GRIK3: variants seen among roughly 807,000 people sequenced by gnomAD.
GRIK3 encodes glutamate ionotropic receptor kainate type subunit 3, also known as glutamate receptor ionotropic, kainate 3.
GRIK3 carries 29 observed loss-of-function variants against 102.5 expected under a neutral mutation model. That is an observed-to-expected ratio of 0.28 (90% CI 0.21 to 0.39). The LOEUF is 0.39. GRIK3 is among the 10% of genes least tolerant of loss of function. The pLI is 1.00. For synonymous variants in GRIK3, 511 were observed against 504.9 expected, an observed-to-expected ratio of 1.01 and a Z score of -0.16; for missense variants, 908 against 1,252.4, an observed-to-expected ratio of 0.73 and a Z score of 4.15.
chr1:36,869,278 G>A (rs897873590), intron 5 of GRIK3, among the ~76,000 whole-genome samples: 3 of 152,176 alleles, frequency 2.0e-5, no homozygotes, highest in African/African-American at 4.8e-5. Flanking sequence ...AATCCAAAGC[G>A]ACAATTCCCG....
intron 7 of GRIK3, among the ~76,000 whole-genome samples, chr1:36,858,818 A>G (rs1055352536): frequency 6.6e-6 from 1 of 152,190 alleles, no homozygotes; most frequent in African/African-American, 2.4e-5. Context: ...GCGAGGAAGC[A>G]AACACCCTCA....
chr1:36,974,735 G>A (rs1191268061), intron 1 of GRIK3, among the ~76,000 whole-genome samples: 2 of 150,094 alleles, frequency 1.3e-5, no homozygotes, highest in East Asian at 3.9e-4. Context: ...AGGAGGCGGA[G>A]CTTGCAGTGA....
chr1:36,922,617 C>T (rs1407086891), intron 1 of GRIK3, among the ~76,000 whole-genome samples: 1 of 152,172 alleles, frequency 6.6e-6, no homozygotes, highest in African/African-American at 2.4e-5. Flanking sequence ...GACAGGGGGC[C>T]ATGCGCTTAT....
chr1:36,817,040 T>C lies in GRIK3; in HGVS notation c.2091+20A>G, dbSNP rs919784479. On this transcript the variant is annotated intron_variant, in intron 13 of 15. Transcript: ENST00000373091. ...AGAGGATCAGCTCACGGTGCTGCAA[T>C]AGGAGGGAGAGGGCCTCACCTTGAA... is the stretch of plus-strand genomic sequence containing the variant. 1.3e-6 allele frequency: 2 copies of C among 1,544,060 alleles called. No homozygotes were observed. The highest frequency in any genetic ancestry group is 1.4e-5 in the African/African-American group (1 of 73,522).
chr1:36,887,096 TCTC>T (rs1641046444), intron 2 of GRIK3, among the ~76,000 whole-genome samples: 1 of 152,108 alleles, frequency 6.6e-6, no homozygotes, highest in Non-Finnish European at 1.5e-5. Flanking sequence ...GCCAAATAGT[TCTC>T]CTAAGAAATG....
chr1:37,017,131 G>A (rs148927858), intron 1 of GRIK3, among the ~76,000 whole-genome samples: 6 of 151,556 alleles, frequency 4.0e-5, no homozygotes, highest in South Asian at 4.2e-4. Context: ...GGGGAGGATC[G>A]CTTGAACCTA....
intron 11 of GRIK3, among the ~76,000 whole-genome samples, chr1:36,821,498 G>A (rs1642695063): frequency 6.6e-6 from 1 of 152,318 alleles, no homozygotes; most frequent in Admixed American, 6.5e-5. Context: ...AGTGTGAAGG[G>A]CAGGGGTCGG....
In GRIK3 at chr1:36,997,765, G is replaced by A. The variant is rs796346178; in HGVS notation, c.115+36229C>T. Among the ~76,000 whole-genome samples, 5 of 152,282 alleles carry A rather than the reference G, an allele frequency of 3.3e-5. No homozygotes were observed. The East Asian group carries it at 9.7e-4, about 30-fold the overall frequency. On this transcript the variant is annotated intron_variant, in intron 1 of 15. Coordinates refer to ENST00000373091, the MANE Select transcript of GRIK3 (RefSeq NM_000831.4). ...GGAATGACCAGGCTTAAAGCTGAGT[G>A]GTGCCCAGGGTGGTCAAGCCTAGCC...
At chr1:37,016,709 G>A (rs1336923989) in intron 1 of GRIK3, among the ~76,000 whole-genome samples, 3 of 152,174 alleles carry the variant, frequency 2.0e-5, no homozygotes, top group Non-Finnish European at 2.9e-5. Context: ...GGTGGGGACT[G>A]AGGCATATGT....
At chr1:36,901,785 T>C (rs1007275986) in intron 1 of GRIK3, among the ~76,000 whole-genome samples, 4 of 152,226 alleles carry the variant, frequency 2.6e-5, no homozygotes, top group African/African-American at 9.6e-5. Context: ...AAAACTGTCT[T>C]TGTTTACAGG....
intron 1 of GRIK3, among the ~76,000 whole-genome samples, chr1:36,962,514 G>A (rs1184682947): frequency 1.3e-5 from 2 of 151,964 alleles, no homozygotes; most frequent in Non-Finnish European, 2.9e-5. Context: ...TGAGGGCCAA[G>A]AAACCCAGAA....
chr1:36,876,639 C>A (rs978122016), intron 3 of GRIK3, among the ~76,000 whole-genome samples: 1 of 152,202 alleles, frequency 6.6e-6, no homozygotes, highest in Non-Finnish European at 1.5e-5. Flanking sequence ...TGGACACAAT[C>A]TCCAAAGCAA....
intron 1 of GRIK3, among the ~76,000 whole-genome samples, chr1:37,003,458 C>T (rs146716255): frequency 6.6e-6 from 1 of 152,286 alleles, no homozygotes; most frequent in African/African-American, 2.4e-5. Context: ...GCATATCTTT[C>T]TTCAGCCTCC....
intron 1 of GRIK3, among the ~76,000 whole-genome samples, chr1:36,935,214 C>T (rs1488717600): frequency 1.3e-5 from 2 of 152,024 alleles, no homozygotes; most frequent in East Asian, 3.9e-4. Context: ...CGGTGCCTGA[C>T]ACATAGTAGG....
rs1220111869 is a variant in GRIK3, at chr1:36,872,807, C to G, written c.551-438G>C. The stretch of plus-strand genomic sequence containing the variant: ...TCACCCCTCTTCTTCTGTACCCACC[C>G]CCAACATTGTGAGACATGGGACATG... On this transcript the variant is annotated intron_variant, in intron 3 of 15. Coordinates refer to ENST00000373091, the MANE Select transcript of GRIK3 (RefSeq NM_000831.4). This position sits in a 1 kb window ranked among gnomAD's most constrained non-coding sequence, Gnocchi z 5.9. Among the ~76,000 whole-genome samples the G allele has an allele frequency of 1.3e-5, 2 of 152,158 alleles. No individual in the cohort carries two copies. The highest frequency in any genetic ancestry group is 2.9e-5 in the Non-Finnish European group (2 of 68,040).
rs186393092 is a variant in GRIK3, at chr1:36,801,021, G to T, written c.*830C>A. On this transcript the variant is annotated 3_prime_UTR_variant, in exon 16 of 16. Transcript: ENST00000373091. Reference sequence around the variant, plus strand: ...TTTCCTCTGCTGGGCTTCAAATACCGGCTGCATCTTTGGGCATCCTTTGTG... The same window carrying T: ...TTTCCTCTGCTGGGCTTCAAATACCTGCTGCATCTTTGGGCATCCTTTGTG... The T allele has an allele frequency of 6.6e-6, 1 of 152,176 alleles. No individual in the cohort carries two copies. The highest frequency in any genetic ancestry group is 2.1e-4 in the South Asian group (1 of 4,834). 9.4% of individuals were successfully genotyped at this position (152,176 alleles called of 1,614,324 possible).
intron 7 of GRIK3, among the ~76,000 whole-genome samples, chr1:36,855,280 C>CAGAT (rs1340875281): frequency 6.6e-6 from 1 of 152,194 alleles, no homozygotes; most frequent in East Asian, 1.9e-4. Flanking sequence ...TGCTCCCTTG[C>CAGAT]AGATTCTGAA....
intron 10 of GRIK3, among the ~76,000 whole-genome samples, chr1:36,827,259 C>T (rs1642765227): frequency 6.6e-6 from 1 of 152,188 alleles, no homozygotes; most frequent in South Asian, 2.1e-4. Context: ...AGCCCCATCT[C>T]AGCCTCTGGA....
At chr1:36,959,243 G>A (rs1641968907) in intron 1 of GRIK3, among the ~76,000 whole-genome samples, 1 of 123,918 alleles carries the variant, frequency 8.1e-6, no homozygotes, top group Non-Finnish European at 1.8e-5. Context: ...TGTGTCCCAT[G>A]ACCTGTGTGT....
Sources: allele counts gnomAD v4.1 joint callset (sites outside exome capture counted in the v4.1 genomes callset), GRCh38; gene constraint gnomAD v4.1.1; non-coding constraint Gnocchi (gnomAD v3.1); transcripts MANE v1.5; gene names NCBI Gene and HGNC (gene_info 2026-07-23, HGNC 2026-07-21).